The following MYO3A variants were observed in gnomAD, a reference collection of about 807,000 sequenced individuals.
MYO3A encodes myosin IIIA, also known as myosin-IIIa.
In MYO3A, 180 loss-of-function variants were observed where a neutral mutation model predicts 192.7. That is an observed-to-expected ratio of 0.93 (90% CI 0.83 to 1.06). The LOEUF (loss-of-function observed/expected upper bound fraction) is 1.06, where lower values mean the gene tolerates loss of function less well. MYO3A is among the 50% of genes least tolerant of loss of function. The pLI is 0.00. For synonymous variants in MYO3A, 628 were observed against 645.3 expected (o/e 0.97, Z 0.41); for missense variants, 1,896 against 1,905.0 (o/e 1.00, Z 0.09).
chr10:25,977,469 C>A (rs1033373976), intron 4 of MYO3A, among the ~76,000 whole-genome samples: 2 of 152,038 alleles, frequency 1.3e-5, no homozygotes, highest in African/African-American at 4.8e-5. Context: ...CTAGTGGTTT[C>A]CCTAACAGCA....
intron 17 of MYO3A, among the ~76,000 whole-genome samples, chr10:26,102,641 G>A (rs1160064036): frequency 6.6e-6 from 1 of 152,164 alleles, no homozygotes; most frequent in Non-Finnish European, 1.5e-5. Flanking sequence ...TCAGCTGCAG[G>A]TCATTGGAAT....
At chr10:26,201,329 A>G (rs1843662674) in intron 33 of MYO3A, 24 bp downstream of exon 33, 2 of 1,527,428 alleles carry the variant, frequency 1.3e-6, no homozygotes, top group Non-Finnish European at 1.8e-6. Context: ...CTGGATTTCA[A>G]TCAGTCATCT....
chr10:26,210,973 TACACACATGCAC>T (rs1844196222), intron 34 of MYO3A, among the ~76,000 whole-genome samples: 1 of 137,398 alleles, frequency 7.3e-6, no homozygotes, highest in Non-Finnish European at 1.5e-5. Flanking sequence ...AAATTGCCTG[TACACACATGCAC>T]ACACACACAC....
intron 27 of MYO3A, among the ~76,000 whole-genome samples, chr10:26,167,776 A>C (rs1215619169): frequency 6.6e-6 from 1 of 152,222 alleles, no homozygotes; most frequent in Non-Finnish European, 1.5e-5. Context: ...AACCTGTAAC[A>C]CAAACGTGTT....
At chr10:26,024,177 C>G in intron 9 of MYO3A, 90 bp downstream of exon 9, 1 of 1,222,288 alleles carries the variant, frequency 8.2e-7, no homozygotes, top group African/African-American at 1.5e-5. Context: ...GTTAAACAGC[C>G]CCAGAGATTT....
chr10:26,004,173 G>A (rs1310102842), intron 6 of MYO3A, among the ~76,000 whole-genome samples: 4 of 152,080 alleles, frequency 2.6e-5, no homozygotes, highest in Non-Finnish European at 5.9e-5. Context: ...TCCCCAAGTG[G>A]GATGAGAAGC....
chr10:25,966,720 G>A (rs560409137), intron 4 of MYO3A, among the ~76,000 whole-genome samples: 38 of 152,278 alleles, frequency 2.5e-4, no homozygotes, highest in Middle Eastern at 3.4e-3. Context: ...TTCTAAACAA[G>A]CACAAAGGTG....
intron 15 of MYO3A, among the ~76,000 whole-genome samples, chr10:26,096,004 T>C (rs150777335): frequency 0.013 from 1,993 of 152,230 alleles, 50 homozygotes; most frequent in African/African-American, 0.045. Flanking sequence ...TGAGACAATG[T>C]AGCACTTGTA....
At chr10:26,062,159 A>G (rs1196312681) in intron 10 of MYO3A, among the ~76,000 whole-genome samples, 1 of 152,156 alleles carries the variant, frequency 6.6e-6, no homozygotes. Context: ...ATAGTTTTGC[A>G]GATCTTGATG....
intron 26 of MYO3A, among the ~76,000 whole-genome samples, chr10:26,163,293 A>G (rs1403760843): frequency 3.9e-5 from 6 of 152,344 alleles, no homozygotes; most frequent in Admixed American, 2.6e-4. Context: ...TGATTTTGCC[A>G]TCCCAGCTTA....
At chr10:25,972,897 AAT>A (rs774111950) in intron 4 of MYO3A, among the ~76,000 whole-genome samples, 9 of 152,244 alleles carry the variant, frequency 5.9e-5, no homozygotes, top group South Asian at 2.1e-4. Context: ...AATCTGATTC[AAT>A]TAAGTTGCAG....
chr10:26,095,331 C>T (rs1836949900), intron 15 of MYO3A, among the ~76,000 whole-genome samples: 1 of 152,160 alleles, frequency 6.6e-6, no homozygotes, highest in Non-Finnish European at 1.5e-5. Context: ...CAACCCCAGC[C>T]TGTGAGCCTG....
intron 20 of MYO3A, among the ~76,000 whole-genome samples, chr10:26,139,539 T>G (rs1355667578): frequency 6.6e-6 from 1 of 152,170 alleles, no homozygotes; most frequent in African/African-American, 2.4e-5. Context: ...TCATTGCTGG[T>G]GAGGATGCAG....
intron 26 of MYO3A, among the ~76,000 whole-genome samples, chr10:26,162,618 A>G (rs901990125): frequency 6.6e-6 from 1 of 152,240 alleles, no homozygotes; most frequent in Non-Finnish European, 1.5e-5. Context: ...GTTTTTTACA[A>G]GACTTCTTTA....
In MYO3A at chr10:26,153,840, A is replaced by G. The variant is rs1481530753; in HGVS notation, c.2636-10A>G. On this transcript the variant is annotated splice_polypyrimidine_tract_variant and intron_variant, in intron 23 of 34. Transcript: ENST00000642920. ...TAAAAGGTATATTACATTTTTCTAC[A>G]TTCTCATAGGTAATCTGCCACATTC... is the stretch of plus-strand genomic sequence containing the variant. 2.0e-6 allele frequency: 3 copies of G among 1,521,410 alleles called. No individual in the cohort carries two copies. In the African/African-American group the frequency reaches 4.1e-5, roughly 21 times the overall value. 94.2% of individuals were successfully genotyped at this position (1,521,410 alleles called of 1,614,324 possible).
Position 25,952,132 on chromosome 10 carries a change from A to T in MYO3A, c.22A>T (p.Thr8Ser). 2 of 1,611,812 alleles carry T rather than the reference A, an allele frequency of 1.2e-6. No individual in the cohort carries two copies. The highest frequency in any genetic ancestry group is 1.7e-6 in the Non-Finnish European group (2 of 1,178,444). The change falls in exon 3 of 35, where the codon ACA becomes TCA. Residue 8 changes from threonine to serine, a missense_variant. Transcript: ENST00000642920. ...TGAGATGTTTCCATTAATTGGAAAA[A>T]CAATCATCTTTGATAACTTTCCTGA... Reference protein sequence around the residue: MFPLIGKTIIFDNFPDPS... With the variant: MFPLIGKSIIFDNFPDPS...
At chr10:26,100,247 G>A (rs949944093) in intron 17 of MYO3A, among the ~76,000 whole-genome samples, 3 of 152,128 alleles carry the variant, frequency 2.0e-5, no homozygotes, top group African/African-American at 7.2e-5. Flanking sequence ...GGGATTGATG[G>A]TGGTGTCCCC....
intron 15 of MYO3A, 149 bp downstream of exon 15, chr10:26,088,554 G>C: frequency 1.3e-6 from 1 of 769,854 alleles, no homozygotes; most frequent in South Asian, 1.6e-5. Flanking sequence ...AGATCCATCA[G>C]CACTGTCTTA....
At chr10:25,947,230 A>G (rs972520284) in intron 2 of MYO3A, among the ~76,000 whole-genome samples, 5 of 151,686 alleles carry the variant, frequency 3.3e-5, no homozygotes, top group Admixed American at 3.3e-4. Context: ...TTTTCAATTC[A>G]GTTATTTTAT....
Sources: gnomAD v4.1 joint callset for allele counts (sites outside exome capture counted in the v4.1 genomes callset) on GRCh38, gnomAD v4.1.1 for gene constraint, MANE v1.5 for transcripts, NCBI Gene and HGNC (gene_info 2026-07-23, HGNC 2026-07-21) for gene names.